Variants in ABHD18 observed in about 807,000 individuals in gnomAD.
ABHD18 encodes the protein abhydrolase domain containing 18.
ABHD18 carries 55 observed loss-of-function variants against 65.9 expected under a neutral mutation model. The observed-to-expected ratio is 0.84, with a 90% confidence interval of 0.67 to 1.05. The LOEUF is 1.05. ABHD18 is among the 50% of genes least tolerant of loss of function. The probability of loss-of-function intolerance (pLI) is 0.00; values close to 1 mark genes in which losing one functional copy is unlikely to be tolerated. For synonymous variants in ABHD18, 181 were observed against 180.2 expected (o/e 1.00, Z -0.04); for missense variants, 533 against 558.5 (o/e 0.95, Z 0.46).
At chr4:127,980,732 G>A (rs1041365900) in intron 1 of ABHD18, among the ~76,000 whole-genome samples, 3 of 151,428 alleles carry the variant, frequency 2.0e-5, no homozygotes, top group African/African-American at 7.3e-5. Context: ...GGCTGAGACA[G>A]GAGAATTGCT....
chr4:128,022,320 T>A (rs1756635743), intron 10 of ABHD18, among the ~76,000 whole-genome samples: 1 of 152,204 alleles, frequency 6.6e-6, no homozygotes, highest in Non-Finnish European at 1.5e-5. Context: ...TCATGAAGAA[T>A]TTAGGTTATT....
In ABHD18 at chr4:128,031,230, G is replaced by A. The variant is rs574226120; in HGVS notation, c.1343+558G>A. ...AGCACTTTGGGAGGCGGAGGCGGGT[G>A]TATCACGAGGTCAGGAGATCAAGGC... On this transcript the variant is annotated intron_variant, in intron 12 of 12. Coordinates refer to ENST00000645843, the MANE Select transcript of ABHD18 (RefSeq NM_001358451.3). 2.2e-4 allele frequency: 140 copies of A among 625,694 alleles called. No individual in the cohort carries two copies. In the African/African-American group the frequency reaches 2.5e-3, roughly 11 times the overall value. The allele number at this position is 625,694 out of a possible 1,614,324, so 38.8% of individuals were successfully genotyped here.
At position 127,983,056 on chromosome 4, in the gene ABHD18, T is replaced by A; in HGVS notation, c.92+9T>A. ...CCAGAAGATCTCAAAAGGCAAGCAATTTTTTTTCCTGAATACTTGTTCTGA... is the reference window on the plus strand; with the variant it reads ...CCAGAAGATCTCAAAAGGCAAGCAAATTTTTTTCCTGAATACTTGTTCTGA... On this transcript the variant is annotated intron_variant, in intron 2 of 12. Coordinates refer to ENST00000645843, the MANE Select transcript of ABHD18 (RefSeq NM_001358451.3). 6.5e-7 allele frequency: 1 copy of A among 1,531,846 alleles called. No individual in the cohort carries two copies. The highest frequency in any genetic ancestry group is 8.8e-7 in the Non-Finnish European group (1 of 1,132,514). The allele number at this position is 1,531,846 out of a possible 1,614,324, so 94.9% of individuals were successfully genotyped here.
At chr4:127,993,938 C>A (rs545047749) in intron 4 of ABHD18, among the ~76,000 whole-genome samples, 32 of 152,200 alleles carry the variant, frequency 2.1e-4, no homozygotes, top group African/African-American at 7.7e-4. Flanking sequence ...GATCATATTG[C>A]CAAATAAGTA....
chr4:127,973,927 T>A (rs937610094), intron 1 of ABHD18, among the ~76,000 whole-genome samples: 1 of 151,396 alleles, frequency 6.6e-6, no homozygotes, highest in Non-Finnish European at 1.5e-5. Context: ...TGAGTTCTTG[T>A]CTCTTCAAGC....
At chr4:127,987,819 A>C (rs1479918456) in intron 3 of ABHD18, among the ~76,000 whole-genome samples, 1 of 152,190 alleles carries the variant, frequency 6.6e-6, no homozygotes. Context: ...AGTTTTATAG[A>C]GATATTATGT....
intron 12 of ABHD18, among the ~76,000 whole-genome samples, chr4:128,031,757 C>A (rs1758249036): frequency 6.6e-6 from 1 of 152,156 alleles, no homozygotes; most frequent in South Asian, 2.1e-4. Flanking sequence ...TAGAAATAAA[C>A]CAATTGTTCA....
intron 4 of ABHD18, among the ~76,000 whole-genome samples, chr4:127,996,643 A>G (rs1270225470): frequency 6.6e-6 from 1 of 152,122 alleles, no homozygotes; most frequent in East Asian, 1.9e-4. Flanking sequence ...CCAGGCTGGA[A>G]TTTCCCAATC....
intron 8 of ABHD18, 59 bp from the exon 9 acceptor site, chr4:128,020,021 T>C: frequency 8.9e-7 from 1 of 1,124,466 alleles, no homozygotes; most frequent in Non-Finnish European, 1.3e-6. Context: ...TAATATTAAA[T>C]ATTTTTATTT....
At chr4:127,999,265 CAG>C (rs1257238469) in intron 4 of ABHD18, among the ~76,000 whole-genome samples, 1 of 151,950 alleles carries the variant, frequency 6.6e-6, no homozygotes, top group African/African-American at 2.4e-5. Flanking sequence ...GCCTGGGCGA[CAG>C]AGTGAGACTG....
chr4:127,979,419 G>A (rs2149060737), intron 1 of ABHD18, among the ~76,000 whole-genome samples: 1 of 152,262 alleles, frequency 6.6e-6, no homozygotes, highest in East Asian at 1.9e-4. Flanking sequence ...GCCAGGCGTG[G>A]TGGCGGGCAC....
intron 4 of ABHD18, among the ~76,000 whole-genome samples, chr4:128,002,617 A>AT (rs1752865890): frequency 1.3e-5 from 2 of 151,260 alleles, no homozygotes. Flanking sequence ...GAAAAAAAAA[A>AT]GAAAGATGTT....
intron 4 of ABHD18, among the ~76,000 whole-genome samples, chr4:128,003,198 C>G (rs1752981648): frequency 6.6e-6 from 1 of 151,646 alleles, no homozygotes; most frequent in Non-Finnish European, 1.5e-5. Flanking sequence ...GAAACCCCAT[C>G]TCTACTATAA....
chr4:127,979,553 TCAAAA>T (rs896929005), intron 1 of ABHD18, among the ~76,000 whole-genome samples: 24 of 151,886 alleles, frequency 1.6e-4, no homozygotes, highest in Non-Finnish European at 3.1e-4. Context: ...AGACTCTGTC[TCAAAA>T]CAAAACAAAG....
intron 6 of ABHD18, 145 bp from the exon 7 acceptor site, chr4:128,011,528 A>G: frequency 2.3e-6 from 1 of 438,308 alleles, no homozygotes; most frequent in Non-Finnish European, 3.8e-6. Flanking sequence ...TTGAAAACTT[A>G]AGAACTTCTA....
chr4:127,972,548 A>G lies in ABHD18; in HGVS notation c.-18+6942A>G, dbSNP rs531086997. ...TTTTTTTTTTTTTTTTTTTTTTTTG[A>G]GACAGAGTCTCGCTCTGGCTAATTT... On this transcript the variant is annotated intron_variant, in intron 1 of 12. Coordinates refer to ENST00000645843, the MANE Select transcript of ABHD18 (RefSeq NM_001358451.3). Among the ~76,000 whole-genome samples, 8 of 39,630 alleles carry G rather than the reference A, an allele frequency of 2.0e-4. No individual in the cohort carries two copies. The East Asian group carries it at 4.0e-3, about 20-fold the overall frequency. 26.0% of individuals were successfully genotyped at this position (39,630 alleles called of 152,430 possible). A position where few individuals can be genotyped will look rare whatever the true frequency, so the allele number is the denominator to read the frequency against.
intron 4 of ABHD18, among the ~76,000 whole-genome samples, chr4:127,999,773 C>T (rs994572110): frequency 3.3e-5 from 5 of 152,042 alleles, no homozygotes; most frequent in Non-Finnish European, 7.4e-5. Flanking sequence ...TTTTTCTGTG[C>T]AGAAGCTCTT....
In ABHD18 at chr4:128,030,887, A is replaced by T. The variant is rs901152909; in HGVS notation, c.1343+215A>T. 3.1e-6 allele frequency: 4 copies of T among 1,283,552 alleles called. No homozygotes were observed. In the African/African-American group the frequency reaches 6.2e-5, roughly 20 times the overall value. 79.5% of individuals were successfully genotyped at this position (1,283,552 alleles called of 1,614,324 possible). A position where few individuals can be genotyped will look rare whatever the true frequency, so the allele number is the denominator to read the frequency against. On this transcript the variant is annotated intron_variant, in intron 12 of 12. Transcript: ENST00000645843. ...TAGAGAACTAAGCATGATGCATATTATAGGCATGCTTTATCGTGTGGCTTT... is the reference window on the plus strand; with the variant it reads ...TAGAGAACTAAGCATGATGCATATTTTAGGCATGCTTTATCGTGTGGCTTT...
At chr4:127,978,070 CTG>C (rs1748308197) in intron 1 of ABHD18, among the ~76,000 whole-genome samples, 1 of 151,864 alleles carries the variant, frequency 6.6e-6, no homozygotes, top group Admixed American at 6.6e-5. Flanking sequence ...ATGACATAAA[CTG>C]AATATATATG....
Sources: gnomAD v4.1 joint callset for allele counts (sites outside exome capture counted in the v4.1 genomes callset) on GRCh38, gnomAD v4.1.1 for gene constraint, MANE v1.5 for transcripts, NCBI Gene and HGNC (gene_info 2026-07-23, HGNC 2026-07-21) for gene names.